The following SLC25A12 variants were observed in gnomAD, a reference collection of about 807,000 sequenced individuals.
The protein encoded by SLC25A12 is solute carrier family 25 member 12, also known as electrogenic aspartate/glutamate antiporter SLC25A12, mitochondrial.
In SLC25A12, 32 loss-of-function variants were observed where a neutral mutation model predicts 83.3. The ratio of observed to expected loss-of-function variants is 0.38; its 90% CI spans 0.29 to 0.52. SLC25A12 has a LOEUF of 0.52. Among genes scored for constraint, SLC25A12 ranks in the 20% least tolerant of loss-of-function variants. The pLI is 0.84. For synonymous variants in SLC25A12, 267 were observed against 291.1 expected (o/e 0.92, Z 0.84); for missense variants, 611 against 835.6 (o/e 0.73, Z 3.31).
At chr2:171,788,133 G>A in intron 15 of SLC25A12, 186 bp from the exon 16 acceptor site, 4 of 582,442 alleles carry the variant, frequency 6.9e-6, no homozygotes, top group East Asian at 2.9e-5. Context: ...TGTGATCAGG[G>A]GAAAATTATT....
intron 3 of SLC25A12, among the ~76,000 whole-genome samples, chr2:171,861,903 G>A (rs987699982): frequency 2.6e-5 from 4 of 151,980 alleles, no homozygotes; most frequent in African/African-American, 4.8e-5. Flanking sequence ...ACTCTTTACC[G>A]TATTACCCCA....
At chr2:171,893,102 A>G (rs1172678256) in intron 2 of SLC25A12, 103 bp downstream of exon 2, 5 of 886,688 alleles carry the variant, frequency 5.6e-6, no homozygotes, top group Non-Finnish European at 9.3e-6. Flanking sequence ...TTGAAAGAAT[A>G]CATGAAAACT....
At chr2:171,891,851 T>C (rs1184517436) in intron 2 of SLC25A12, among the ~76,000 whole-genome samples, 1 of 152,250 alleles carries the variant, frequency 6.6e-6, no homozygotes, top group Non-Finnish European at 1.5e-5. Flanking sequence ...AATACTTCCC[T>C]TATCAGATAT....
intron 3 of SLC25A12, among the ~76,000 whole-genome samples, chr2:171,860,231 A>T (rs1262379397): frequency 6.6e-6 from 1 of 152,232 alleles, no homozygotes; most frequent in Non-Finnish European, 1.5e-5. Context: ...AAAGCTCAGC[A>T]AATACACTTT....
At chr2:171,863,985 C>T (rs1203953090) in intron 3 of SLC25A12, among the ~76,000 whole-genome samples, 1 of 152,190 alleles carries the variant, frequency 6.6e-6, no homozygotes, top group African/African-American at 2.4e-5. Context: ...GTAAATTTCA[C>T]ACACTGTGCA....
chr2:171,829,646 C>G (rs927063033), intron 8 of SLC25A12, among the ~76,000 whole-genome samples: 1 of 152,102 alleles, frequency 6.6e-6, no homozygotes, highest in African/African-American at 2.4e-5. Context: ...AAATAACATA[C>G]AACAATGTAA....
In SLC25A12 at chr2:171,891,662, T is replaced by C. The variant is rs142588461; in HGVS notation, c.66+1543A>G. 7.6e-4 allele frequency among the ~76,000 whole-genome samples: 116 copies of C among 152,344 alleles called. 2 individuals are homozygous for C. The East Asian group carries it at 0.019, about 25-fold the overall frequency. ...ACTCATTTCTTCCGCATCTACTTAG[T>C]CTAGAACATAAAATTAACTATATCA... On this transcript the variant is annotated intron_variant, in intron 2 of 17. Coordinates refer to ENST00000422440, the MANE Select transcript of SLC25A12 (RefSeq NM_003705.5).
At chr2:171,857,816 AG>A (rs1685077400) in intron 3 of SLC25A12, among the ~76,000 whole-genome samples, 1 of 152,016 alleles carries the variant, frequency 6.6e-6, no homozygotes, top group Non-Finnish European at 1.5e-5. Context: ...ACTTGAGCCC[AG>A]GAGTTCAAGG....
chr2:171,886,859 T>A (rs1240062418), intron 2 of SLC25A12, among the ~76,000 whole-genome samples: 1 of 152,224 alleles, frequency 6.6e-6, no homozygotes, highest in African/African-American at 2.4e-5. Context: ...GGATAAATAA[T>A]CCAAAAGAAA....
At chr2:171,808,100 C>T (rs570404202) in intron 13 of SLC25A12, among the ~76,000 whole-genome samples, 2 of 152,318 alleles carry the variant, frequency 1.3e-5, no homozygotes, top group East Asian at 3.9e-4. Flanking sequence ...TTTCCAAGAA[C>T]AAAATGGACT....
At chr2:171,850,188 T>C (rs1684893838) in intron 4 of SLC25A12, among the ~76,000 whole-genome samples, 1 of 151,396 alleles carries the variant, frequency 6.6e-6, no homozygotes, top group African/African-American at 2.4e-5. Context: ...TGATCTTGGC[T>C]CACTATAGCC....
intron 3 of SLC25A12, among the ~76,000 whole-genome samples, chr2:171,862,415 A>T (rs1353713548): frequency 6.6e-6 from 1 of 152,214 alleles, no homozygotes; most frequent in Non-Finnish European, 1.5e-5. Flanking sequence ...AATGGCTTTT[A>T]CTTTTAGACA....
In SLC25A12 at chr2:171,834,717, A is replaced by T; in HGVS notation, c.751+10T>A. ...TGAGATTCTTATTTATGTATATTTT[A>T]AAATCTTACCCTTTGTGACTTCAAC... On this transcript the variant is annotated intron_variant, in intron 7 of 17. Coordinates refer to ENST00000422440, the MANE Select transcript of SLC25A12 (RefSeq NM_003705.5). The T allele has an allele frequency of 1.2e-6, 2 of 1,612,264 alleles. No homozygotes were observed. Among genetic ancestry groups the T allele is most frequent in the East Asian group, 2.2e-5 (1 of 44,860 alleles).
intron 14 of SLC25A12, among the ~76,000 whole-genome samples, chr2:171,793,289 A>G (rs1435065272): frequency 2.0e-5 from 3 of 152,192 alleles, no homozygotes; most frequent in Non-Finnish European, 1.5e-5. Flanking sequence ...GAAAATAAAC[A>G]TAAGACTATT....
At chr2:171,789,109 C>A (rs1690543324) in intron 15 of SLC25A12, among the ~76,000 whole-genome samples, 1 of 152,158 alleles carries the variant, frequency 6.6e-6, no homozygotes, top group Admixed American at 6.5e-5. Context: ...AAATGCTGCC[C>A]CCATTTAAAA....
chr2:171,815,082 T>C, intron 10 of SLC25A12, 39 bp downstream of exon 10: 7 of 1,522,372 alleles, frequency 4.6e-6, no homozygotes, highest in Non-Finnish European at 6.4e-6. Context: ...AATATTACAT[T>C]AACACAAGCC....
At chr2:171,884,838 C>A (rs1389387591) in intron 2 of SLC25A12, among the ~76,000 whole-genome samples, 1 of 151,952 alleles carries the variant, frequency 6.6e-6, no homozygotes, top group Non-Finnish European at 1.5e-5. Flanking sequence ...ATTGTCCCTA[C>A]CCTCACTAAA....
intron 15 of SLC25A12, among the ~76,000 whole-genome samples, chr2:171,790,750 C>T (rs951793817): frequency 3.3e-5 from 5 of 151,970 alleles, no homozygotes; most frequent in Non-Finnish European, 7.4e-5. Context: ...CTCTGTCACC[C>T]AGGCTGGAGT....
intron 2 of SLC25A12, among the ~76,000 whole-genome samples, chr2:171,877,093 A>G (rs957043375): frequency 6.6e-6 from 1 of 152,232 alleles, no homozygotes; most frequent in East Asian, 1.9e-4. Context: ...AAGCCTTAAC[A>G]TTCTAAAGCT....
Sources: gnomAD v4.1 joint callset for allele counts (sites outside exome capture counted in the v4.1 genomes callset) on GRCh38, gnomAD v4.1.1 for gene constraint, MANE v1.5 for transcripts, NCBI Gene and HGNC (gene_info 2026-07-23, HGNC 2026-07-21) for gene names.